The following FAAH2 variants were observed in gnomAD, a reference collection of about 807,000 sequenced individuals.
FAAH2 encodes fatty acid amide hydrolase 2.
FAAH2 carries 60 observed loss-of-function variants against 36.9 expected under a neutral mutation model. That is an observed-to-expected ratio of 1.63 (90% CI 1.32 to 2.02). The LOEUF is 2.02. FAAH2 is among the 30% of genes most tolerant of loss of function. FAAH2 has a pLI of 0.00. For missense variants in FAAH2, 689 were observed against 397.5 expected (o/e 1.73, Z -6.23); for synonymous variants, 214 against 143.8 (o/e 1.49, Z -3.49).
At chrX:57,422,342 C>T (rs2056058511) in intron 7 of FAAH2, among the ~76,000 whole-genome samples, 1 of 111,949 alleles carries the variant, frequency 8.9e-6, no homozygotes, top group African/African-American at 3.2e-5. Flanking sequence ...TCTTTGCAAT[C>T]CCTCCAGGAA....
At chrX:57,223,638 A>T in the FAAH2 span, among the ~76,000 whole-genome samples, 5 of 111,532 alleles carry the variant, frequency 4.5e-5, no homozygotes, top group Admixed American at 4.7e-4. Flanking sequence ...ACCCAGGCAA[A>T]ATTAACAAAT....
At chrX:57,344,977 A>G (rs1013500036) in intron 5 of FAAH2, among the ~76,000 whole-genome samples, 2 of 111,041 alleles carry the variant, frequency 1.8e-5, no homozygotes, top group African/African-American at 6.5e-5. Flanking sequence ...GTGCTGCTGA[A>G]ATAAGTTTGC....
At position 57,306,869 on chromosome X, in the gene FAAH2, TATATATACACTATATATACACC is replaced by T. The variant is rs1173706648; in HGVS notation, c.276-3714_276-3693del. Among the ~76,000 whole-genome samples, 387 of 92,972 alleles carry T rather than the reference TATATATACACTATATATACACC, an allele frequency of 4.2e-3. 3 individuals are homozygous for T. Among genetic ancestry groups the T allele is most frequent in the African/African-American group, 0.014 (368 of 26,721 alleles). The allele number at this position is 92,972 out of a possible 115,157, so 80.7% of individuals were successfully genotyped here. On this transcript the variant is annotated intron_variant, in intron 2 of 10. Transcript: ENST00000374900. ...TATATATGTGTATATATATACACAC[TATATATACACTATATATACACC>T]ATATATACATATATAGTACTATATA...
At chrX:57,419,939 C>T (rs1335759948) in intron 7 of FAAH2, among the ~76,000 whole-genome samples, 1 of 112,012 alleles carries the variant, frequency 8.9e-6, no homozygotes, top group African/African-American at 3.2e-5. Flanking sequence ...CTCCATATGG[C>T]TAGCCAGTTT....
the FAAH2 span, among the ~76,000 whole-genome samples, chrX:57,250,172 A>T: frequency 3.6e-5 from 4 of 112,279 alleles, no homozygotes; most frequent in Non-Finnish European, 7.5e-5. Context: ...TGAGCAATTT[A>T]TTGTGGCATC....
intron 7 of FAAH2, among the ~76,000 whole-genome samples, chrX:57,421,824 A>C (rs137873152): frequency 0.012 from 1,342 of 111,962 alleles, 27 homozygotes; most frequent in African/African-American, 0.042. Flanking sequence ...TAGAAGAGGC[A>C]TTATGATGGG....
intron 3 of FAAH2, among the ~76,000 whole-genome samples, chrX:57,321,139 C>G (rs868143631): frequency 3.1e-5 from 3 of 98,100 alleles, no homozygotes; most frequent in Non-Finnish European, 6.2e-5. Flanking sequence ...GACTCCATCT[C>G]AAAAAAAAAA....
intron 7 of FAAH2, among the ~76,000 whole-genome samples, chrX:57,422,270 G>A (rs1455953598): frequency 8.9e-6 from 1 of 111,814 alleles, no homozygotes; most frequent in Non-Finnish European, 1.9e-5. Flanking sequence ...AGATATGTGA[G>A]TTAAATGGGG....
chrX:57,482,599 A>G, intron 10 of FAAH2, among the ~76,000 whole-genome samples: 1 of 108,919 alleles, frequency 9.2e-6, no homozygotes, highest in East Asian at 2.9e-4. Context: ...TACGAGATGA[A>G]CTGGGTACCT....
chrX:57,459,293 G>T (rs1372772823), intron 10 of FAAH2, among the ~76,000 whole-genome samples: 1 of 112,246 alleles, frequency 8.9e-6, no homozygotes, highest in Non-Finnish European at 1.9e-5. Flanking sequence ...TCCTCACTGG[G>T]CAGGGCATCT....
At chrX:57,179,218 G>A in the FAAH2 span, among the ~76,000 whole-genome samples, 6 of 111,474 alleles carry the variant, frequency 5.4e-5, no homozygotes, top group African/African-American at 1.3e-4. Flanking sequence ...ATACAAAAAT[G>A]TCTGGATAAA....
chrX:57,266,068 G>A, the FAAH2 span, among the ~76,000 whole-genome samples: 1 of 111,580 alleles, frequency 9.0e-6, no homozygotes, highest in African/African-American at 3.3e-5. Context: ...GTGACTGGGG[G>A]CTGATGTGGA....
At chrX:57,330,389 T>C (rs945730406) in intron 3 of FAAH2, among the ~76,000 whole-genome samples, 2 of 111,458 alleles carry the variant, frequency 1.8e-5, no homozygotes, top group East Asian at 5.7e-4. Context: ...GAAAAGGAAA[T>C]TCCTGTCTAA....
chrX:57,244,102 G>A, the FAAH2 span, among the ~76,000 whole-genome samples: 4 of 107,606 alleles, frequency 3.7e-5, no homozygotes, highest in Non-Finnish European at 5.7e-5. Context: ...TGAAGCATAC[G>A]CAAGTATCAA....
chrX:57,365,028 G>A (rs2054380112), intron 5 of FAAH2, among the ~76,000 whole-genome samples: 1 of 111,796 alleles, frequency 8.9e-6, no homozygotes, highest in African/African-American at 3.2e-5. Context: ...GTTAGTTGGA[G>A]TATTCTGTAG....
chrX:57,341,444 C>G, intron 5 of FAAH2, 54 bp downstream of exon 5: 1 of 1,146,674 alleles, frequency 8.7e-7, no homozygotes, highest in Non-Finnish European at 1.2e-6. Flanking sequence ...CAGAGCAATT[C>G]AGAAATTTTG....
the FAAH2 span, among the ~76,000 whole-genome samples, chrX:57,277,108 CAG>C: frequency 2.8e-5 from 3 of 108,006 alleles, no homozygotes; most frequent in Admixed American, 2.9e-4. Flanking sequence ...CAAAACCTGG[CAG>C]AGACACAACA....
chrX:57,266,127 C>A, the FAAH2 span, among the ~76,000 whole-genome samples: 1 of 111,833 alleles, frequency 8.9e-6, no homozygotes, highest in South Asian at 3.8e-4. Flanking sequence ...ACTTTTTTAA[C>A]CAACTCCGTG....
chrX:57,373,242 C>T (rs1255784437), intron 5 of FAAH2, among the ~76,000 whole-genome samples: 4 of 111,333 alleles, frequency 3.6e-5, no homozygotes, highest in Non-Finnish European at 1.9e-5. Flanking sequence ...TGGGTAGTTA[C>T]CAAGGAGTGG....
Sources: allele counts gnomAD v4.1 joint callset (sites outside exome capture counted in the v4.1 genomes callset), GRCh38; gene constraint gnomAD v4.1.1; transcripts MANE v1.5; gene names NCBI Gene and HGNC (gene_info 2026-07-23, HGNC 2026-07-21).